Variants in TMPRSS15 observed in about 807,000 individuals in gnomAD.
TMPRSS15 encodes enteropeptidase.
Under a neutral mutation model 125.3 loss-of-function variants are expected in TMPRSS15, and 128 were observed. The observed-to-expected ratio is 1.02, with a 90% CI of 0.89 to 1.18. TMPRSS15 has a LOEUF of 1.18. Ranked by LOEUF, TMPRSS15 falls within the 50% of genes most tolerant of loss-of-function variation. TMPRSS15 has a pLI of 0.00. For missense variants in TMPRSS15, 1,283 were observed against 1,212.7 expected (o/e 1.06, Z -0.86); for synonymous variants, 446 against 423.2 (o/e 1.05, Z -0.66).
intron 21 of TMPRSS15, among the ~76,000 whole-genome samples, chr21:18,286,952 A>G (rs574558433): frequency 6.6e-6 from 1 of 152,326 alleles, no homozygotes; most frequent in South Asian, 2.1e-4. Flanking sequence ...AAATTTGTGT[A>G]ACATTCTCCT....
At chr21:18,416,051 T>C (rs1441534163) in intron 1 of TMPRSS15, among the ~76,000 whole-genome samples, 1 of 151,968 alleles carries the variant, frequency 6.6e-6, no homozygotes, top group Admixed American at 6.5e-5. Flanking sequence ...CCATTTACAA[T>C]AGCATAAAAA....
intron 1 of TMPRSS15, among the ~76,000 whole-genome samples, chr21:18,472,455 T>TTATATATATATATATATA (rs34604020): frequency 3.1e-4 from 44 of 143,150 alleles, no homozygotes; most frequent in Middle Eastern, 3.6e-3. Flanking sequence ...GCTAAAAGAA[T>TTATATATATATATATATA]TATATATATA....
At chr21:18,383,567 G>T (rs1413433314) in intron 4 of TMPRSS15, 60 bp downstream of exon 4, 2 of 1,582,542 alleles carry the variant, frequency 1.3e-6, no homozygotes. Flanking sequence ...CTGGTATATT[G>T]CTAGAATTTT....
At chr21:18,448,292 T>C (rs1031914671) in intron 1 of TMPRSS15, among the ~76,000 whole-genome samples, 1 of 152,156 alleles carries the variant, frequency 6.6e-6, no homozygotes, top group African/African-American at 2.4e-5. Context: ...CTAATTGATG[T>C]TACAAATCAA....
intron 8 of TMPRSS15, among the ~76,000 whole-genome samples, chr21:18,359,438 G>A (rs571865519): frequency 6.6e-6 from 1 of 152,052 alleles, no homozygotes; most frequent in Non-Finnish European, 1.5e-5. Context: ...TTCAGGGATT[G>A]TGTGAATTTG....
chr21:18,365,637 T>C (rs1192127669), intron 6 of TMPRSS15, among the ~76,000 whole-genome samples: 2 of 116,422 alleles, frequency 1.7e-5, no homozygotes, highest in African/African-American at 6.6e-5. Context: ...TCTCTTTCTC[T>C]CTCTTTTTCC....
intron 3 of TMPRSS15, among the ~76,000 whole-genome samples, chr21:18,391,187 C>A (rs976021327): frequency 4.6e-5 from 7 of 152,190 alleles, no homozygotes; most frequent in African/African-American, 1.7e-4. Context: ...CCTCACATTT[C>A]AGAACACAAT....
intron 1 of TMPRSS15, among the ~76,000 whole-genome samples, chr21:18,446,289 A>G (rs905277139): frequency 6.6e-6 from 1 of 152,174 alleles, no homozygotes. Flanking sequence ...ATAAAACACT[A>G]ATGAAAGAAA....
intron 21 of TMPRSS15, among the ~76,000 whole-genome samples, chr21:18,285,445 T>G (rs1356342509): frequency 2.0e-5 from 3 of 152,244 alleles, no homozygotes; most frequent in Non-Finnish European, 4.4e-5. Context: ...CCTGTTTTAC[T>G]ATTACTAAAG....
chr21:18,368,195 C>T (rs945105779), intron 6 of TMPRSS15, among the ~76,000 whole-genome samples: 1 of 152,180 alleles, frequency 6.6e-6, no homozygotes. Flanking sequence ...ATTTTTCCCA[C>T]CTGTTCACTA....
intron 1 of TMPRSS15, among the ~76,000 whole-genome samples, chr21:18,420,219 A>G (rs1007062158): frequency 8.5e-5 from 13 of 152,180 alleles, no homozygotes; most frequent in South Asian, 8.3e-4. Context: ...TATGCAATGA[A>G]TGGTTTGGAT....
intron 1 of TMPRSS15, among the ~76,000 whole-genome samples, chr21:18,440,820 T>C (rs1392550288): frequency 6.6e-6 from 1 of 152,218 alleles, no homozygotes; most frequent in South Asian, 2.1e-4. Flanking sequence ...TCTTTAAAGG[T>C]CTGATTTAAA....
At chr21:18,459,016 C>CT (rs1196695317) in intron 1 of TMPRSS15, among the ~76,000 whole-genome samples, 1 of 152,092 alleles carries the variant, frequency 6.6e-6, no homozygotes. Context: ...CCTTCATAGT[C>CT]TAGCATTTAC....
At chr21:18,390,683 T>C (rs1461481034) in intron 3 of TMPRSS15, among the ~76,000 whole-genome samples, 1 of 152,116 alleles carries the variant, frequency 6.6e-6, no homozygotes, top group Non-Finnish European at 1.5e-5. Flanking sequence ...GTCAGTTAAG[T>C]GTCCCAGGGA....
At chr21:18,369,510 A>G (rs2075771058) in intron 6 of TMPRSS15, among the ~76,000 whole-genome samples, 1 of 152,216 alleles carries the variant, frequency 6.6e-6, no homozygotes, top group Non-Finnish European at 1.5e-5. Context: ...TGTTTCAGCT[A>G]TAGTCAGCTG....
chr21:18,439,564 C>A (rs1439813552), intron 1 of TMPRSS15, among the ~76,000 whole-genome samples: 2 of 152,030 alleles, frequency 1.3e-5, no homozygotes, highest in Non-Finnish European at 2.9e-5. Flanking sequence ...CATTATTTTT[C>A]CAATTCAAAT....
At chr21:18,272,300 A>G (rs375002556) in intron 24 of TMPRSS15, among the ~76,000 whole-genome samples, 87 of 151,794 alleles carry the variant, frequency 5.7e-4, no homozygotes, top group African/African-American at 2.0e-3. Flanking sequence ...TTTGATTTGC[A>G]TTTCTCTAAT....
At chr21:18,474,770 C>G (rs1477108275) in intron 1 of TMPRSS15, among the ~76,000 whole-genome samples, 1 of 152,068 alleles carries the variant, frequency 6.6e-6, no homozygotes, top group East Asian at 1.9e-4. Context: ...TTCTCCCTTC[C>G]AATTATTTAC....
In TMPRSS15 at chr21:18,419,047, G is replaced by T. The variant is rs980963862; in HGVS notation, c.11-20718C>A. Among the ~76,000 whole-genome samples the T allele has an allele frequency of 3.3e-5, 5 of 152,262 alleles. No homozygotes were observed. The South Asian group carries it at 1.0e-3, about 32-fold the overall frequency. On this transcript the variant is annotated intron_variant, in intron 1 of 7. Transcript: ENST00000422787. The stretch of plus-strand genomic sequence containing the variant: ...GTTCCAAGAATGTAATTCTCTGCAA[G>T]CCTGGTAGAAACAGCCAACTTTAAC...
Sources: allele counts gnomAD v4.1 joint callset (sites outside exome capture counted in the v4.1 genomes callset), GRCh38; gene constraint gnomAD v4.1.1; transcripts MANE v1.5; gene names NCBI Gene and HGNC (gene_info 2026-07-23, HGNC 2026-07-21).